The following SCN9A variants were observed in gnomAD, a reference collection of about 807,000 sequenced individuals.
SCN9A encodes sodium voltage-gated channel alpha subunit 9, also known as sodium channel protein type 9 subunit alpha.
A neutral mutation model predicts 187.0 loss-of-function variants in SCN9A; 131 were observed. That is an observed-to-expected ratio of 0.70 (90% CI 0.61 to 0.81). The LOEUF (loss-of-function observed/expected upper bound fraction) is 0.81, where lower values mean the gene tolerates loss of function less well. Among genes scored for constraint, SCN9A ranks in the 30% least tolerant of loss-of-function variants. The probability of loss-of-function intolerance (pLI) is 0.00; values close to 1 mark genes in which losing one functional copy is unlikely to be tolerated. For synonymous variants in SCN9A, 809 were observed against 808.6 expected (o/e 1.00, Z -0.01); for missense variants, 2,252 against 2,396.6 (o/e 0.94, Z 1.26).
At chr2:166,229,150 C>T (rs1297094876) in intron 21 of SCN9A, among the ~76,000 whole-genome samples, 178 bp from the exon 22 acceptor site, 1 of 152,038 alleles carries the variant, frequency 6.6e-6, no homozygotes, top group African/African-American at 2.4e-5. Context: ...CAGCAGTGTG[C>T]CAAGCAAGAC....
chr2:166,223,228 G>GAACT (rs1694700556), intron 24 of SCN9A, among the ~76,000 whole-genome samples: 1 of 152,112 alleles, frequency 6.6e-6, no homozygotes, highest in Admixed American at 6.5e-5. Flanking sequence ...TTAAAAATTT[G>GAACT]AACTCAGGAT....
At chr2:166,284,280 C>T (rs146812858) in intron 12 of SCN9A, among the ~76,000 whole-genome samples, 173 bp downstream of exon 12, 171 of 152,164 alleles carry the variant, frequency 1.1e-3, no homozygotes, top group Middle Eastern at 0.01. Context: ...GAGTTAGATG[C>T]CTACAACACA....
intron 17 of SCN9A, among the ~76,000 whole-genome samples, chr2:166,254,345 T>G (rs1696172667): frequency 6.6e-6 from 1 of 151,652 alleles, no homozygotes; most frequent in African/African-American, 2.4e-5. Context: ...GTATATAAAA[T>G]TAAATGTTTA....
chr2:166,233,299 A>G, intron 21 of SCN9A, 41 bp downstream of exon 21: 2 of 1,382,006 alleles, frequency 1.4e-6, no homozygotes, highest in Non-Finnish European at 1.9e-6. Flanking sequence ...TTTAAACCCC[A>G]TTAAAAAATA....
chr2:166,311,597 C>T lies in SCN9A; in HGVS notation c.160G>A (p.Glu54Lys), dbSNP rs895331828. The T allele has an allele frequency of 6.2e-7, 1 of 1,613,262 alleles. No individual in the cohort carries two copies. The highest frequency in any genetic ancestry group is 8.5e-7 in the Non-Finnish European group (1 of 1,179,760). Residue 54 changes from glutamate (E) to lysine (K), a missense_variant, in exon 2 of 27, where the codon GAA (glutamate) becomes AAA (lysine). Glu to Lys is a moderately conservative substitution (Grantham distance 56, BLOSUM62 1). Coordinates refer to ENST00000642356, the MANE Select transcript of SCN9A (RefSeq NM_001365536.1). Reference protein sequence around the residue: ...EEAPKPSSDLEAGKQLPFIYG... With the variant: ...EEAPKPSSDLKAGKQLPFIYG... ...ATGAAGGGCAGCTGTTTGCCAGCTT[C>T]CAAGTCACTGCTTGGCTTTGGGGCT...
chr2:166,284,555 GC>G lies in SCN9A; in HGVS notation c.1871del (p.Cys624SerfsTer25), dbSNP rs1458113246. On this transcript the variant is annotated frameshift_variant, in exon 12 of 27. Coordinates refer to ENST00000642356, the MANE Select transcript of SCN9A (RefSeq NM_001365536.1). LOFTEE classifies it high-confidence loss of function. ...CATCAACCAGGGAGACCACACCGTT[GC>G]AGTCCACAGCACTGTGCATTTTCCC... ...VNGKMHSAVD[C>X]NGVVSLVDGR... 1 of 1,614,166 alleles carries G rather than the reference GC, an allele frequency of 6.2e-7. No homozygotes were observed. The highest frequency in any genetic ancestry group is 8.5e-7 in the Non-Finnish European group (1 of 1,180,012).
Position 166,196,574 on chromosome 2 carries a change from A to G in SCN9A, c.*2098T>C, listed in dbSNP as rs1246247562. ...ATGTAAGTATTCATAATGCAGTTAT[A>G]TTTGTGAGTTTGAAATAACGGTAGA... On this transcript the variant is annotated 3_prime_UTR_variant, in exon 27 of 27. Transcript: ENST00000642356. 1.3e-5 allele frequency: 2 copies of G among 152,166 alleles called. No individual in the cohort carries two copies. The highest frequency in any genetic ancestry group is 2.9e-5 in the Non-Finnish European group (2 of 68,006). The allele number at this position is 152,166 out of a possible 1,614,324, so 9.4% of individuals were successfully genotyped here.
intron 18 of SCN9A, among the ~76,000 whole-genome samples, chr2:166,247,889 T>C (rs748963025): frequency 1.8e-4 from 27 of 152,114 alleles, no homozygotes; most frequent in Admixed American, 6.6e-5. Context: ...TGCCAAGTCA[T>C]GTAGAACTAA....
intron 1 of SCN9A, among the ~76,000 whole-genome samples, chr2:166,321,825 T>C (rs1041692198): frequency 2.0e-5 from 3 of 149,260 alleles, no homozygotes; most frequent in Non-Finnish European, 4.4e-5. Context: ...TAACTCTTAT[T>C]CTCTCCAAGT....
At chr2:166,231,194 T>C (rs908156345) in intron 21 of SCN9A, among the ~76,000 whole-genome samples, 1 of 152,170 alleles carries the variant, frequency 6.6e-6, no homozygotes, top group Non-Finnish European at 1.5e-5. Context: ...TTGTGATAGA[T>C]TGTAACATTC....
chr2:166,199,519 A>G lies in SCN9A; in HGVS notation c.5120T>C (p.Ile1707Thr). The G allele has an allele frequency of 1.9e-6, 3 of 1,614,204 alleles. No individual in the cohort carries two copies. Among genetic ancestry groups the G allele is most frequent in the Non-Finnish European group, 2.5e-6 (3 of 1,180,018 alleles). ...SAGWDGLLAP[I>T]LNSKPPDCDP... is the part of the protein sequence containing the mutation. ...ACAGTCGGGTGGCTTACTGTTAAGA[A>G]TAGGTGCTAGCAATCCATCCCAGCC... The change falls in exon 27 of 27, where the codon ATT becomes ACT. Residue 1707 changes from isoleucine to threonine, a missense_variant. Transcript: ENST00000642356.
At chr2:166,290,995 GA>G in intron 9 of SCN9A, among the ~76,000 whole-genome samples, 2 of 152,218 alleles carry the variant, frequency 1.3e-5, no homozygotes, top group Admixed American at 1.3e-4. Context: ...GAAAAAGCTG[GA>G]AGCATTCCCT....
chr2:166,372,511 T>C (rs558508221), intron 1 of SCN9A, among the ~76,000 whole-genome samples: 1 of 152,312 alleles, frequency 6.6e-6, no homozygotes, highest in East Asian at 1.9e-4. Context: ...CTTATAACCA[T>C]ATTAGTTTAT....
intron 1 of SCN9A, 31 bp from the exon 2 acceptor site, chr2:166,311,837 C>T (rs1698973173): frequency 2.9e-6 from 4 of 1,375,786 alleles, no homozygotes; most frequent in Non-Finnish European, 3.9e-6. Context: ...AAAGACTTAA[C>T]TATTTGCCTG....
At chr2:166,347,747 G>A (rs889367042) in intron 1 of SCN9A, among the ~76,000 whole-genome samples, 3 of 151,898 alleles carry the variant, frequency 2.0e-5, no homozygotes, top group Non-Finnish European at 4.4e-5. Context: ...TCCAGGAAGT[G>A]TCTAAATTAC....
At position 166,305,821 on chromosome 2, in the gene SCN9A, G is replaced by C. The variant is rs1698735958; in HGVS notation, c.567C>G (p.Asn189Lys). 1.9e-6 allele frequency: 3 copies of C among 1,613,424 alleles called. 1 individual carries two copies. In the Middle Eastern group the frequency reaches 4.9e-4, roughly 266 times the overall value. ...AAACAATGACGACAAAATCCAGCCAGTTCCACGGGTCACGAAGAAAAGTGA... is the reference window on the plus strand; with the variant it reads ...AAACAATGACGACAAAATCCAGCCACTTCCACGGGTCACGAAGAAAAGTGA... ...GEFTFLRDPW[N>K]WLDFVVIVFA... is the part of the protein sequence containing the mutation. The change falls in exon 5 of 27, where the codon AAC (asparagine) becomes AAG (lysine). Residue 189 changes from asparagine to lysine, a missense_variant. Transcript: ENST00000642356.
chr2:166,278,114 TA>T, intron 15 of SCN9A, 25 bp downstream of exon 15: 1 of 1,592,188 alleles, frequency 6.3e-7, no homozygotes, highest in Non-Finnish European at 8.6e-7. Context: ...TTATAGAATA[TA>T]ATGGCAACCT....
chr2:166,265,237 C>T (rs984714043), intron 17 of SCN9A, among the ~76,000 whole-genome samples: 14 of 151,920 alleles, frequency 9.2e-5, no homozygotes, highest in African/African-American at 2.7e-4. Flanking sequence ...TCCCATCCTC[C>T]GATAACCACT....
At position 166,293,301 on chromosome 2, in the gene SCN9A, G is replaced by A. The variant is rs1698158576; in HGVS notation, c.1037C>T (p.Thr346Ile). 1 of 1,604,754 alleles carries A rather than the reference G, an allele frequency of 6.2e-7. No homozygotes were observed. The highest frequency in any genetic ancestry group is 1.7e-5 in the Admixed American group (1 of 58,718). Residue 346 changes from threonine to isoleucine, a missense_variant, in exon 9 of 27, where the codon ACT becomes ATT. Physicochemically the swap from Thr to Ile is moderately conservative, Grantham distance 89 (BLOSUM62 -1). This residue lies in a region of SCN9A where 1,013 missense variants were observed against 997.4 expected (regional missense o/e 1.02). Transcript: ENST00000642356. Reference protein sequence around the residue: ...NPDYGYTSFDTFSWAFLALFR... With the variant: ...NPDYGYTSFDIFSWAFLALFR... ...CAAGGCTAAGAAGGCCCAGCTGAAA[G>A]TGTCAAAGCTCGTGTAGCCATAATC...
Sources: allele counts gnomAD v4.1 joint callset (sites outside exome capture counted in the v4.1 genomes callset), GRCh38; gene constraint gnomAD v4.1.1; regional missense constraint gnomAD v4.1.1; transcripts MANE v1.5; gene names NCBI Gene and HGNC (gene_info 2026-07-23, HGNC 2026-07-21).